The following USP40 variants were observed in gnomAD, a reference collection of about 807,000 sequenced individuals.
USP40 encodes the protein ubiquitin carboxyl-terminal hydrolase 40.
A neutral mutation model predicts 166.2 loss-of-function variants in USP40; 143 were observed. That is an observed-to-expected ratio of 0.86 (90% CI 0.75 to 0.99). USP40 has a LOEUF of 0.99. USP40 is among the 50% of genes least tolerant of loss of function. USP40 has a pLI of 0.00. For missense variants in USP40, 1,444 were observed against 1,479.7 expected (o/e 0.98, Z 0.40); for synonymous variants, 498 against 524.0 (o/e 0.95, Z 0.68).
At chr2:233,529,022 C>T (rs1321057925) in intron 12 of USP40, among the ~76,000 whole-genome samples, 1 of 152,120 alleles carries the variant, frequency 6.6e-6, no homozygotes, top group Non-Finnish European at 1.5e-5. Flanking sequence ...AAAATCTGCC[C>T]ACCACTGATC....
chr2:233,526,520 G>T (rs2068046944), intron 13 of USP40, among the ~76,000 whole-genome samples: 1 of 152,134 alleles, frequency 6.6e-6, no homozygotes, highest in Non-Finnish European at 1.5e-5. Context: ...AAGGGAAATT[G>T]CTTTGCTTTT....
At chr2:233,513,379 C>T (rs1342082919) in intron 18 of USP40, among the ~76,000 whole-genome samples, 1 of 152,154 alleles carries the variant, frequency 6.6e-6, no homozygotes, top group East Asian at 1.9e-4. Flanking sequence ...GTGGGTTTAG[C>T]ACTACAACAC....
intron 2 of USP40, among the ~76,000 whole-genome samples, chr2:233,563,259 AG>A (rs1222640732): frequency 1.3e-5 from 2 of 152,122 alleles, no homozygotes; most frequent in Non-Finnish European, 2.9e-5. Flanking sequence ...TCCGTGTTGA[AG>A]GTAATAACAG....
Position 233,476,833 on chromosome 2 carries a change from C to T in USP40, c.*559G>A, listed in dbSNP as rs2064203148. The T allele has an allele frequency of 5.8e-6, 1 of 173,704 alleles. No homozygotes were observed. Among genetic ancestry groups the T allele is most frequent in the Non-Finnish European group, 1.2e-5 (1 of 80,184 alleles). 10.8% of individuals were successfully genotyped at this position (173,704 alleles called of 1,614,324 possible). The stretch of plus-strand genomic sequence containing the variant: ...TTCAGCATCGCAGTTTTAACTCAGA[C>T]CAAAGGGCAGACGTGGAGCATGCGG... On this transcript the variant is annotated 3_prime_UTR_variant, in exon 32 of 32. Transcript: ENST00000678225.
chr2:233,512,141 C>G (rs78943247), intron 19 of USP40: 2,154 of 199,452 alleles, frequency 0.011, 48 homozygotes, highest in East Asian at 0.071. Context: ...TAGCTTCTTC[C>G]AAGTTTAAAG....
intron 8 of USP40, among the ~76,000 whole-genome samples, chr2:233,547,584 A>G (rs2070092258): frequency 6.6e-6 from 1 of 152,194 alleles, no homozygotes; most frequent in African/African-American, 2.4e-5. Flanking sequence ...ACATCCTAAC[A>G]TTACGGTTTG....
rs1173462214 is a variant in USP40 at position 233,480,728 on chromosome 2, T to C, written c.3599+475A>G. ...GGGTCAGGCAGTGTCCTGGAGGAAG[T>C]GGGGTAGCAGCCCTGAAGCCACAGC... On this transcript the variant is annotated intron_variant, in intron 31 of 31. Transcript: ENST00000678225. This position sits in a 1 kb window ranked among gnomAD's most constrained non-coding sequence, Gnocchi z 4.5. 2.0e-5 allele frequency among the ~76,000 whole-genome samples: 3 copies of C among 151,868 alleles called. No homozygotes were observed. The highest frequency in any genetic ancestry group is 2.9e-5 in the Non-Finnish European group (2 of 67,956).
chr2:233,499,217 T>A (rs2065918281), intron 22 of USP40, among the ~76,000 whole-genome samples: 1 of 142,880 alleles, frequency 7.0e-6, no homozygotes, highest in Non-Finnish European at 1.5e-5. Flanking sequence ...TGTCCATGTG[T>A]TCTCATTGTT....
chr2:233,532,951 T>C (rs1028230249), intron 11 of USP40, among the ~76,000 whole-genome samples: 3 of 146,814 alleles, frequency 2.0e-5, no homozygotes, highest in African/African-American at 7.6e-5. Context: ...AATGAATAAA[T>C]AAACAAAAAG....
At chr2:233,488,430 C>T (rs1400242481) in intron 27 of USP40, 126 bp from the exon 28 acceptor site, 2 of 843,474 alleles carry the variant, frequency 2.4e-6, no homozygotes, top group Non-Finnish European at 3.7e-6. Flanking sequence ...ATAAGAACAC[C>T]CAAACTTTTG....
chr2:233,551,619 C>T lies in USP40; in HGVS notation c.694-100G>A. 3 of 1,153,256 alleles carry T rather than the reference C, an allele frequency of 2.6e-6. No individual in the cohort carries two copies. In the African/African-American group the frequency reaches 4.7e-5, roughly 18 times the overall value. The allele number at this position is 1,153,256 out of a possible 1,614,324, so 71.4% of individuals were successfully genotyped here. A position where few individuals can be genotyped will look rare whatever the true frequency, so the allele number is the denominator to read the frequency against. On this transcript the variant is annotated intron_variant, in intron 6 of 31. Coordinates refer to ENST00000678225, the MANE Select transcript of USP40 (RefSeq NM_001365479.2). ...TGAAAAAACAACCTATGACACAGTT[C>T]TAAGAGAAATATTACATAAACTCAT... is the stretch of plus-strand genomic sequence containing the variant.
chr2:233,491,799 G>A (rs1427361495), intron 25 of USP40, among the ~76,000 whole-genome samples: 1 of 152,128 alleles, frequency 6.6e-6, no homozygotes, highest in Non-Finnish European at 1.5e-5. Context: ...CAATAAGAAG[G>A]CCTTTCCAAG....
Position 233,525,517 on chromosome 2 carries a change from G to A in USP40, c.1771C>T (p.Leu591Phe). ...EGDMVLSVAK[L>F]VPAGLHIYQS... is the part of the protein sequence containing the mutation. ...TAAATGTGAAGTCCTGCTGGTACAA[G>A]CTTTGCAACACTAAGAACCATGTCT... Residue 591 changes from leucine (L) to phenylalanine (F), a missense_variant, in exon 14 of 32, where the codon CTT becomes TTT. By Grantham distance (22) the Leu-to-Phe change is conservative (BLOSUM62 0). Coordinates refer to ENST00000678225, the MANE Select transcript of USP40 (RefSeq NM_001365479.2). The A allele has an allele frequency of 6.2e-7, 1 of 1,613,148 alleles. No individual in the cohort carries two copies. Among genetic ancestry groups the A allele is most frequent in the Non-Finnish European group, 8.5e-7 (1 of 1,179,422 alleles).
At chr2:233,529,073 T>C (rs754871539) in intron 12 of USP40, among the ~76,000 whole-genome samples, 2 of 152,198 alleles carry the variant, frequency 1.3e-5, no homozygotes, top group Non-Finnish European at 2.9e-5. Context: ...TACTTACCTA[T>C]GAGGGGTGAT....
intron 21 of USP40, among the ~76,000 whole-genome samples, chr2:233,506,740 CA>C (rs1227656570): frequency 0.038 from 2,030 of 53,844 alleles, 51 homozygotes; most frequent in African/African-American, 0.09. Context: ...ACCGAAAATA[CA>C]AAAAAAAAAA....
rs1031569992 is a variant in USP40 at position 233,551,302 on chromosome 2, C to T, written c.837+74G>A. 305 of 1,460,896 alleles carry T rather than the reference C, an allele frequency of 2.1e-4. 1 individual carries two copies. Among genetic ancestry groups the T allele is most frequent in the Non-Finnish European group, 2.6e-4 (288 of 1,089,554 alleles). 90.5% of individuals were successfully genotyped at this position (1,460,896 alleles called of 1,614,324 possible). A position where few individuals can be genotyped will look rare whatever the true frequency, so the allele number is the denominator to read the frequency against. ...TTTAGAGATTCTCACAATAAACCAA[C>T]TGAAAATCGGGTCAATAATAGATTC... On this transcript the variant is annotated intron_variant, in intron 7 of 31. Coordinates refer to ENST00000678225, the MANE Select transcript of USP40 (RefSeq NM_001365479.2).
rs1385724838 is a variant in USP40, at chr2:233,529,425, A to G, written c.1553+6T>C. 6.4e-7 allele frequency: 1 copy of G among 1,557,190 alleles called. No homozygotes were observed. The highest frequency in any genetic ancestry group is 1.4e-5 in the African/African-American group (1 of 73,838). ...TAGTCAAACTCTAAAAGCAATTTAA[A>G]ATTACCTTTTGGTTTGCAGTTCAAT... is the stretch of plus-strand genomic sequence containing the variant. On this transcript the variant is annotated splice_donor_region_variant and intron_variant, in intron 12 of 31. Coordinates refer to ENST00000678225, the MANE Select transcript of USP40 (RefSeq NM_001365479.2).
At chr2:233,534,819 G>C (rs941593857) in intron 10 of USP40, among the ~76,000 whole-genome samples, 1 of 152,054 alleles carries the variant, frequency 6.6e-6, no homozygotes, top group Admixed American at 6.5e-5. Flanking sequence ...GTTTTTCTTT[G>C]TTTGATAGTT....
At chr2:233,489,236 A>G in intron 27 of USP40, 129 bp downstream of exon 27, 1 of 842,894 alleles carries the variant, frequency 1.2e-6, no homozygotes, top group Non-Finnish European at 2.0e-6. Context: ...CCCAAGTCAC[A>G]AGCGTGGCAT....
Sources: gnomAD v4.1 joint callset for allele counts (sites outside exome capture counted in the v4.1 genomes callset) on GRCh38, gnomAD v4.1.1 for gene constraint, Gnocchi (gnomAD v3.1) non-coding constraint, MANE v1.5 for transcripts, NCBI Gene and HGNC (gene_info 2026-07-23, HGNC 2026-07-21) for gene names.